GRIA1: variants seen among roughly 807,000 people sequenced by gnomAD.
GRIA1 encodes glutamate receptor 1.
A neutral mutation model predicts 99.2 loss-of-function variants in GRIA1; 31 were observed. The ratio of observed to expected loss-of-function variants is 0.31; its 90% CI spans 0.23 to 0.42. The LOEUF (loss-of-function observed/expected upper bound fraction) is 0.42, where lower values mean the gene tolerates loss of function less well. GRIA1 is among the 10% of genes least tolerant of loss of function. The probability of loss-of-function intolerance (pLI) is 1.00; values close to 1 mark genes in which losing one functional copy is unlikely to be tolerated. For missense variants in GRIA1, 782 were observed against 1,157.5 expected, an observed-to-expected ratio of 0.68 and a Z score of 4.71; for synonymous variants, 438 against 432.4, an observed-to-expected ratio of 1.01 and a Z score of -0.16.
At chr5:153,710,644 A>C (rs137874776) in intron 11 of GRIA1, among the ~76,000 whole-genome samples, 1 of 152,282 alleles carries the variant, frequency 6.6e-6, no homozygotes, top group African/African-American at 2.4e-5. Flanking sequence ...CCATTTCCCC[A>C]TGTGTGTGGT....
At chr5:153,564,456 A>C (rs543225007) in intron 2 of GRIA1, among the ~76,000 whole-genome samples, 1 of 152,270 alleles carries the variant, frequency 6.6e-6, no homozygotes, top group East Asian at 1.9e-4. Context: ...TTTCTACAAC[A>C]ATCTTTGTTT....
intron 5 of GRIA1, among the ~76,000 whole-genome samples, chr5:153,660,269 G>T (rs188451776): frequency 3.0e-4 from 45 of 152,228 alleles, no homozygotes; most frequent in Admixed American, 2.5e-3. Context: ...AATAACAATG[G>T]CAATAACTTC....
chr5:153,709,455 C>G (rs1484684235), intron 11 of GRIA1, among the ~76,000 whole-genome samples: 2 of 152,010 alleles, frequency 1.3e-5, no homozygotes, highest in African/African-American at 2.4e-5. Flanking sequence ...GTCTAGTAAC[C>G]AAAACCAACA....
chr5:153,794,580 C>T (rs1407813506), intron 13 of GRIA1, 41 bp from the exon 14 acceptor site: 6 of 1,309,144 alleles, frequency 4.6e-6, no homozygotes, highest in Non-Finnish European at 6.6e-6. Flanking sequence ...TGAGTGTTCT[C>T]CACCTGTTAC....
At chr5:153,667,424 C>T (rs181748676) in intron 5 of GRIA1, among the ~76,000 whole-genome samples, 1 of 152,162 alleles carries the variant, frequency 6.6e-6, no homozygotes, top group African/African-American at 2.4e-5. Context: ...TTCCTATACA[C>T]CTGCTTCATG....
intron 2 of GRIA1, among the ~76,000 whole-genome samples, chr5:153,554,603 C>T (rs1037804865): frequency 1.3e-5 from 2 of 152,152 alleles, no homozygotes; most frequent in African/African-American, 4.8e-5. Context: ...AAGCGATTCT[C>T]CTGCCTCAGC....
chr5:153,803,677 C>T (rs1189722782), intron 15 of GRIA1, among the ~76,000 whole-genome samples: 5 of 152,326 alleles, frequency 3.3e-5, no homozygotes, highest in Middle Eastern at 3.4e-3. Flanking sequence ...CTGACCTATA[C>T]TGTTACCTTG....
rs1462819324 is a variant in GRIA1, at chr5:153,811,747, A to AT, written c.*522_*523insT. On this transcript the variant is annotated 3_prime_UTR_variant, in exon 16 of 16. Transcript: ENST00000285900. The stretch of plus-strand genomic sequence containing the variant: ...CACTTTACAAGCAAGAGGAAAAAAA[A>AT]GCAACCTTCAAACTAATTCTCCATG... 1 of 155,422 alleles carries AT rather than the reference A, an allele frequency of 6.4e-6. No individual in the cohort carries two copies. Among genetic ancestry groups the AT allele is most frequent in the Admixed American group, 6.3e-5 (1 of 15,896 alleles). 9.6% of individuals were successfully genotyped at this position (155,422 alleles called of 1,614,324 possible). A position where few individuals can be genotyped will look rare whatever the true frequency, so the allele number is the denominator to read the frequency against.
Position 153,490,670 on chromosome 5 carries a change from A to C in GRIA1, c.-219A>C. On this transcript the variant is annotated 5_prime_UTR_variant, in exon 1 of 16. Coordinates refer to ENST00000285900, the MANE Select transcript of GRIA1 (RefSeq NM_000827.4). ...AGGACGGGCTTCTTTTCCCGTGCTC[A>C]GTTAATCTGGCTGTCAGTTGGTGTT... 1.6e-6 allele frequency: 1 copy of C among 607,330 alleles called. No individual in the cohort carries two copies. Among genetic ancestry groups the C allele is most frequent in the Non-Finnish European group, 3.0e-6 (1 of 338,140 alleles). 37.6% of individuals were successfully genotyped at this position (607,330 alleles called of 1,614,324 possible). A position where few individuals can be genotyped will look rare whatever the true frequency, so the allele number is the denominator to read the frequency against.
chr5:153,647,686 C>A (rs1424439955), intron 3 of GRIA1, among the ~76,000 whole-genome samples: 3 of 152,148 alleles, frequency 2.0e-5, no homozygotes, highest in Admixed American at 6.5e-5. Flanking sequence ...ACTCAAAATT[C>A]TTTCTCTGTT....
chr5:153,673,239 CA>C (rs1490831402), intron 5 of GRIA1, among the ~76,000 whole-genome samples: 1 of 152,206 alleles, frequency 6.6e-6, no homozygotes, highest in Admixed American at 6.5e-5. Flanking sequence ...TCACTTCACT[CA>C]GGTCCCTAAG....
chr5:153,698,951 G>A lies in GRIA1; in HGVS notation c.1330G>A (p.Ala444Thr). Reference protein sequence around the residue: ...RYEGYCVELAAEIAKHVGYSY... With the variant: ...RYEGYCVELATEIAKHVGYSY... ...CGAGGGCTACTGTGTAGAGCTGGCGGCAGAGATTGCCAAGCACGTGGGCTA... is the reference window on the plus strand; with the variant it reads ...CGAGGGCTACTGTGTAGAGCTGGCGACAGAGATTGCCAAGCACGTGGGCTA... The change falls in exon 10 of 16, where the codon GCA becomes ACA. Residue 444 changes from alanine to threonine, a missense_variant. Physicochemically the swap from Ala to Thr is moderately conservative, Grantham distance 58. Coordinates refer to ENST00000285900, the MANE Select transcript of GRIA1 (RefSeq NM_000827.4). The A allele has an allele frequency of 6.2e-7, 1 of 1,613,480 alleles. No individual in the cohort carries two copies. Among genetic ancestry groups the A allele is most frequent in the Non-Finnish European group, 8.5e-7 (1 of 1,179,436 alleles).
At chr5:153,772,755 A>T (rs933589272) in intron 13 of GRIA1, among the ~76,000 whole-genome samples, 6 of 152,192 alleles carry the variant, frequency 3.9e-5, no homozygotes, top group African/African-American at 1.2e-4. Flanking sequence ...TTTATCTCAG[A>T]AACTTATTGA....
intron 2 of GRIA1, among the ~76,000 whole-genome samples, chr5:153,500,044 C>T (rs1303746643): frequency 6.6e-6 from 1 of 152,212 alleles, no homozygotes; most frequent in Non-Finnish European, 1.5e-5. Context: ...CACCCGTGCC[C>T]TTACATTAAG....
intron 2 of GRIA1, among the ~76,000 whole-genome samples, chr5:153,560,908 G>C (rs1025712930): frequency 4.6e-5 from 7 of 152,226 alleles, no homozygotes; most frequent in Non-Finnish European, 2.9e-5. Flanking sequence ...GGAAAGGACA[G>C]AGTCACAAGT....
At chr5:153,538,406 C>T (rs1170650938) in intron 2 of GRIA1, among the ~76,000 whole-genome samples, 1 of 151,916 alleles carries the variant, frequency 6.6e-6, no homozygotes, top group Admixed American at 6.6e-5. Flanking sequence ...AAACAAAGAC[C>T]ACAAGATGAG....
At chr5:153,780,054 GCTC>G (rs1446935435) in intron 13 of GRIA1, among the ~76,000 whole-genome samples, 7 of 152,216 alleles carry the variant, frequency 4.6e-5, no homozygotes, top group Admixed American at 4.6e-4. Flanking sequence ...CTGAAGCACT[GCTC>G]CTCCTGCTGA....
At chr5:153,700,894 T>G (rs1172831487) in intron 10 of GRIA1, among the ~76,000 whole-genome samples, 1 of 152,210 alleles carries the variant, frequency 6.6e-6, no homozygotes, top group East Asian at 1.9e-4. Flanking sequence ...TGAGATGACA[T>G]GTGAAGGTGG....
intron 2 of GRIA1, among the ~76,000 whole-genome samples, chr5:153,557,524 G>T (rs1359223607): frequency 6.6e-6 from 1 of 152,154 alleles, no homozygotes; most frequent in Non-Finnish European, 1.5e-5. Context: ...TGTAGTAACA[G>T]CTTAAAACAC....
Sources: allele counts gnomAD v4.1 joint callset (sites outside exome capture counted in the v4.1 genomes callset), GRCh38; gene constraint gnomAD v4.1.1; transcripts MANE v1.5; gene names NCBI Gene and HGNC (gene_info 2026-07-23, HGNC 2026-07-21).